Variants in LPAR1 observed in about 807,000 individuals in gnomAD.
LPAR1 encodes the protein LPA receptor 1.
LPAR1 carries 5 observed loss-of-function variants against 23.8 expected under a neutral mutation model. The observed-to-expected ratio is 0.21, with a 90% CI of 0.11 to 0.44. The LOEUF (loss-of-function observed/expected upper bound fraction) is 0.44, where lower values mean the gene tolerates loss of function less well. Ranked by LOEUF, LPAR1 falls within the 20% of genes least tolerant of loss-of-function variation. LPAR1 has a pLI of 0.99. For synonymous variants in LPAR1, 160 were observed against 164.7 expected, an observed-to-expected ratio of 0.97 and a Z score of 0.22; for missense variants, 311 against 482.8, an observed-to-expected ratio of 0.64 and a Z score of 3.33.
At chr9:110,995,936 G>A (rs1311143997) in intron 2 of LPAR1, among the ~76,000 whole-genome samples, 1 of 152,096 alleles carries the variant, frequency 6.6e-6, no homozygotes, top group African/African-American at 2.4e-5. Context: ...CTTTTATCAG[G>A]AAAGCAGTAG....
chr9:110,992,346 C>G (rs2096913238), intron 2 of LPAR1, among the ~76,000 whole-genome samples: 1 of 152,130 alleles, frequency 6.6e-6, no homozygotes, highest in African/African-American at 2.4e-5. Flanking sequence ...AAAAACCAAC[C>G]ATACCAAGTG....
chr9:110,905,702 C>T (rs750984), intron 5 of LPAR1, among the ~76,000 whole-genome samples: 70,019 of 151,838 alleles, frequency 0.46, 17,996 homozygotes, highest in African/African-American at 0.71. Context: ...CCATTTACCA[C>T]AAAAGTTAAA....
chr9:110,965,888 A>C (rs759172167), intron 4 of LPAR1, among the ~76,000 whole-genome samples: 2 of 152,272 alleles, frequency 1.3e-5, no homozygotes, highest in Non-Finnish European at 2.9e-5. Context: ...ATGCCCATCA[A>C]TGACAGACTG....
At chr9:110,973,100 A>T (rs2096471916) in intron 3 of LPAR1, among the ~76,000 whole-genome samples, 1 of 152,214 alleles carries the variant, frequency 6.6e-6, no homozygotes, top group South Asian at 2.1e-4. Flanking sequence ...ATGAGATTTC[A>T]CCCACACTAT....
intron 4 of LPAR1, among the ~76,000 whole-genome samples, chr9:110,962,791 C>T (rs544778505): frequency 6.6e-6 from 1 of 152,216 alleles, no homozygotes; most frequent in East Asian, 1.9e-4. Context: ...TGATGTTATG[C>T]AATTACCAAA....
chr9:111,032,478 C>T (rs144669574), intron 2 of LPAR1, among the ~76,000 whole-genome samples: 3 of 152,270 alleles, frequency 2.0e-5, no homozygotes, highest in Admixed American at 6.5e-5. Flanking sequence ...TTCACACTCA[C>T]CCCTAGTAAA....
chr9:110,901,422 G>A (rs2133848676), intron 5 of LPAR1, among the ~76,000 whole-genome samples: 1 of 152,294 alleles, frequency 6.6e-6, no homozygotes, highest in Non-Finnish European at 1.5e-5. Flanking sequence ...ACATACCTGA[G>A]ACTGGGTAAT....
chr9:110,941,165 A>G lies in LPAR1; in HGVS notation c.793+256T>C, dbSNP rs767280091. Among the ~76,000 whole-genome samples the G allele has an allele frequency of 1.1e-4, 16 of 152,212 alleles. No individual in the cohort carries two copies. Among genetic ancestry groups the G allele is most frequent in the East Asian group, 5.8e-4 (3 of 5,198 alleles). ...TGGTATTTTCAATATTAGATAGCCA[A>G]ACTCTTCAATGACATCTTTTACATC... On this transcript the variant is annotated intron_variant, in intron 5 of 5. Transcript: ENST00000683809. This position sits in a 1 kb window ranked among gnomAD's most constrained non-coding sequence, Gnocchi z 6.1.
intron 2 of LPAR1, among the ~76,000 whole-genome samples, chr9:111,035,572 A>G (rs1156749324): frequency 6.6e-6 from 1 of 152,228 alleles, no homozygotes; most frequent in African/African-American, 2.4e-5. Flanking sequence ...ATAAGAAACC[A>G]AACAGTAGTA....
intron 5 of LPAR1, among the ~76,000 whole-genome samples, chr9:110,896,704 A>G (rs2086456329): frequency 6.6e-6 from 1 of 152,168 alleles, no homozygotes; most frequent in African/African-American, 2.4e-5. Context: ...TAATAAACAC[A>G]TAATACACTG....
intron 5 of LPAR1, among the ~76,000 whole-genome samples, chr9:110,879,002 T>A (rs1380623796): frequency 2.0e-5 from 3 of 152,188 alleles, no homozygotes; most frequent in African/African-American, 7.2e-5. Context: ...AGATGGGGAA[T>A]GAAATATAGT....
At chr9:110,999,388 C>A (rs1483136940) in intron 2 of LPAR1, 2 of 455,974 alleles carry the variant, frequency 4.4e-6, no homozygotes, top group African/African-American at 2.0e-5. Context: ...CCTCCCCCAC[C>A]CTACCTCATT....
At chr9:110,940,777 G>A (rs1412557484) in intron 5 of LPAR1, among the ~76,000 whole-genome samples, 1 of 152,088 alleles carries the variant, frequency 6.6e-6, no homozygotes, top group African/African-American at 2.4e-5. Context: ...GAAAAACAAT[G>A]CTTATTTAAA....
Position 110,875,359 on chromosome 9 carries a change from G to A in LPAR1, c.*62C>T, listed in dbSNP as rs1043083407. ...ACACCCCACCTTGCCCTGGCAATTGGGTAGGGGGAGGCTGTTTATCCTCCA... is the reference window on the plus strand; with the variant it reads ...ACACCCCACCTTGCCCTGGCAATTGAGTAGGGGGAGGCTGTTTATCCTCCA... On this transcript the variant is annotated 3_prime_UTR_variant, in exon 6 of 6. Transcript: ENST00000683809. The A allele has an allele frequency of 6.9e-7, 1 of 1,441,648 alleles. No homozygotes were observed. 89.3% of individuals were successfully genotyped at this position (1,441,648 alleles called of 1,614,324 possible).
At chr9:110,985,484 C>T (rs930777534) in intron 2 of LPAR1, among the ~76,000 whole-genome samples, 9 of 152,190 alleles carry the variant, frequency 5.9e-5, no homozygotes, top group South Asian at 4.1e-4. Flanking sequence ...CTAGCCCATC[C>T]TGCGCACACT....
intron 5 of LPAR1, among the ~76,000 whole-genome samples, chr9:110,902,220 C>T (rs908649010): frequency 3.3e-5 from 5 of 152,100 alleles, no homozygotes; most frequent in Non-Finnish European, 4.4e-5. Flanking sequence ...TACTACCAGG[C>T]TGGCCAGCGG....
At chr9:110,948,685 G>A (rs574469394) in intron 4 of LPAR1, among the ~76,000 whole-genome samples, 45 of 152,268 alleles carry the variant, frequency 3.0e-4, no homozygotes, top group African/African-American at 9.9e-4. Flanking sequence ...GCTGGATAAA[G>A]TATAATAAAT....
At chr9:110,922,331 A>G (rs58748343) in intron 5 of LPAR1, among the ~76,000 whole-genome samples, 29,112 of 152,098 alleles carry the variant, frequency 0.19, 3,552 homozygotes, top group East Asian at 0.59. Context: ...AAATGGCATT[A>G]CATTCCTTTC....
chr9:110,929,816 TAGTATAA>T (rs1358894342), intron 5 of LPAR1, among the ~76,000 whole-genome samples: 1 of 152,134 alleles, frequency 6.6e-6, no homozygotes, highest in Non-Finnish European at 1.5e-5. Flanking sequence ...ATTTGTTTTT[TAGTATAA>T]GTATATCCCA....
Sources: gnomAD v4.1 joint callset for allele counts (sites outside exome capture counted in the v4.1 genomes callset) on GRCh38, gnomAD v4.1.1 for gene constraint, Gnocchi (gnomAD v3.1) non-coding constraint, MANE v1.5 for transcripts, NCBI Gene and HGNC (gene_info 2026-07-23, HGNC 2026-07-21) for gene names.